PCDH15: variants seen among roughly 807,000 people sequenced by gnomAD.
PCDH15 encodes the protein protocadherin related 15.
A neutral mutation model predicts 178.5 loss-of-function variants in PCDH15; 129 were observed. The observed-to-expected ratio is 0.72, with a 90% CI of 0.63 to 0.84. The LOEUF (loss-of-function observed/expected upper bound fraction) is 0.84. Ranked by LOEUF, PCDH15 falls within the 40% of genes least tolerant of loss-of-function variation. The probability of loss-of-function intolerance (pLI) is 0.00; values close to 1 mark genes in which losing one functional copy is unlikely to be tolerated. For missense variants in PCDH15, 2,230 were observed against 2,099.9 expected (o/e 1.06, Z -1.21); for synonymous variants, 800 against 732.0 (o/e 1.09, Z -1.50).
At chr10:55,343,911 C>T (rs185919256) in intron 2 of PCDH15, among the ~76,000 whole-genome samples, 1 of 152,178 alleles carries the variant, frequency 6.6e-6, no homozygotes, top group Non-Finnish European at 1.5e-5. Context: ...AAAATAACCA[C>T]ATTTAATATG....
At position 55,037,467 on chromosome 10, in the gene PCDH15, C is replaced by A. The variant is rs529851489; in HGVS notation, c.-80+129109G>T. 1.5e-4 allele frequency among the ~76,000 whole-genome samples: 23 copies of A among 152,246 alleles called. 3 individuals carry two copies. The highest frequency in any genetic ancestry group is 5.3e-4 in the African/African-American group (22 of 41,560). On this transcript the variant is annotated intron_variant, in intron 2 of 5. Coordinates refer to the PCDH15 transcript ENST00000458638. ...CAGGCTGGTCTCGAACTGCTGACCT[C>A]GTGATGCGCCCATCTCGGACTCCCA...
chr10:54,655,274 G>GAT (rs1565865692), intron 2 of PCDH15, among the ~76,000 whole-genome samples: 3 of 120,726 alleles, frequency 2.5e-5, no homozygotes, highest in Non-Finnish European at 5.4e-5. Flanking sequence ...GAGAGAGAGA[G>GAT]AGAGAGAGAG....
intron 32 of PCDH15, chr10:53,821,884 A>T: frequency 6.2e-7 from 1 of 1,613,466 alleles, no homozygotes; most frequent in Non-Finnish European, 8.5e-7. Context: ...TGACTGTGAG[A>T]TTGTTTTTCA....
At chr10:54,871,837 T>C (rs956864119) in intron 3 of PCDH15, among the ~76,000 whole-genome samples, 60 of 152,032 alleles carry the variant, frequency 3.9e-4, no homozygotes, top group African/African-American at 1.4e-3. Context: ...CTCACATACA[T>C]CCATGAATAT....
chr10:55,544,612 G>A (rs528030023), intron 2 of PCDH15, among the ~76,000 whole-genome samples: 96 of 152,036 alleles, frequency 6.3e-4, no homozygotes, highest in Non-Finnish European at 1.0e-3. Context: ...TGATGGTGTC[G>A]AGTATGAATT....
At chr10:54,712,503 G>A (rs538710220) in intron 1 of PCDH15, among the ~76,000 whole-genome samples, 5 of 151,872 alleles carry the variant, frequency 3.3e-5, no homozygotes, top group Non-Finnish European at 7.4e-5. Flanking sequence ...AAAAGTTTGA[G>A]TGCTATAGAA....
chr10:54,734,783 C>T (rs1173149078), intron 1 of PCDH15, among the ~76,000 whole-genome samples: 1 of 151,858 alleles, frequency 6.6e-6, no homozygotes, highest in Admixed American at 6.6e-5. Flanking sequence ...AAATGGATAT[C>T]CTAACTGAAA....
intron 2 of PCDH15, among the ~76,000 whole-genome samples, chr10:55,395,351 T>G (rs1055729852): frequency 6.6e-6 from 1 of 152,096 alleles, no homozygotes; most frequent in Non-Finnish European, 1.5e-5. Context: ...TACTGATAGT[T>G]AAATCTGATA....
At chr10:54,332,785 T>C (rs1466648016) in intron 6 of PCDH15, among the ~76,000 whole-genome samples, 2 of 152,222 alleles carry the variant, frequency 1.3e-5, no homozygotes, top group African/African-American at 2.4e-5. Flanking sequence ...ACAGTTTTCA[T>C]TGGACGTTTG....
intron 9 of PCDH15, among the ~76,000 whole-genome samples, chr10:54,218,459 G>A (rs2052358155): frequency 6.6e-6 from 1 of 151,682 alleles, no homozygotes; most frequent in South Asian, 2.1e-4. Flanking sequence ...CAGATTAAAT[G>A]AGTCTATATG....
At chr10:55,124,645 T>C (rs1478878263) in intron 2 of PCDH15, among the ~76,000 whole-genome samples, 3 of 152,092 alleles carry the variant, frequency 2.0e-5, no homozygotes, top group African/African-American at 7.2e-5. Flanking sequence ...CTCTATCACA[T>C]TTAAGGTGAA....
At chr10:55,466,393 T>C (rs1255686726) in intron 2 of PCDH15, among the ~76,000 whole-genome samples, 3 of 152,186 alleles carry the variant, frequency 2.0e-5, no homozygotes, top group African/African-American at 7.2e-5. Flanking sequence ...AGAAATATTA[T>C]GTGATGATCC....
At chr10:55,226,131 A>G (rs1347525148) in intron 1 of PCDH15, among the ~76,000 whole-genome samples, 2 of 152,042 alleles carry the variant, frequency 1.3e-5, no homozygotes, top group Non-Finnish European at 2.9e-5. Context: ...GGCTTGAACA[A>G]ACAGTTTCTA....
At chr10:53,828,176 A>C (rs887283585) in intron 31 of PCDH15, among the ~76,000 whole-genome samples, 4 of 122,520 alleles carry the variant, frequency 3.3e-5, no homozygotes, top group Non-Finnish European at 6.4e-5. Context: ...ATTGCACTCC[A>C]TCCTGGCCAA....
intron 2 of PCDH15, among the ~76,000 whole-genome samples, chr10:55,424,092 A>G (rs1838690599): frequency 6.6e-6 from 1 of 152,140 alleles, no homozygotes; most frequent in African/African-American, 2.4e-5. Context: ...GTTATGTATG[A>G]CAAGATGTCA....
intron 18 of PCDH15, among the ~76,000 whole-genome samples, chr10:54,058,676 ATATT>A (rs1242643565): frequency 7.3e-4 from 94 of 128,298 alleles, no homozygotes; most frequent in African/African-American, 1.5e-3. Context: ...ACATTAGAAC[ATATT>A]TCTTTCTTTC....
intron 3 of PCDH15, among the ~76,000 whole-genome samples, chr10:54,439,986 C>G (rs1389210313): frequency 6.6e-6 from 1 of 151,944 alleles, no homozygotes; most frequent in African/African-American, 2.4e-5. Context: ...AACATAAAAC[C>G]TGATCTCTTT....
chr10:55,258,633 G>A (rs1051869897), intron 1 of PCDH15, among the ~76,000 whole-genome samples: 12 of 151,920 alleles, frequency 7.9e-5, no homozygotes, highest in African/African-American at 2.7e-4. Context: ...GTGCAGAAAG[G>A]GGATGCTTAG....
In PCDH15 at chr10:55,206,297, T is replaced by C. The variant is rs867150989; in HGVS notation, c.-155-39646A>G. 5.3e-4 allele frequency among the ~76,000 whole-genome samples: 81 copies of C among 152,230 alleles called. 1 individual carries two copies. Among genetic ancestry groups the C allele is most frequent in the Admixed American group, 5.9e-4 (9 of 15,286 alleles). ...CAAATCTGGAAAACTTAAAAATGTA[T>C]GTATTTAATTTAAATGTCAAGTTGT... On this transcript the variant is annotated intron_variant, in intron 1 of 5. Transcript: ENST00000458638.
Sources: gnomAD v4.1 joint callset for allele counts (sites outside exome capture counted in the v4.1 genomes callset) on GRCh38, gnomAD v4.1.1 for gene constraint, MANE v1.5 for transcripts, NCBI Gene and HGNC (gene_info 2026-07-23, HGNC 2026-07-21) for gene names.